GRIN2A: variants seen among roughly 807,000 people sequenced by gnomAD.
GRIN2A encodes the protein glutamate receptor ionotropic, NMDA 2A.
A neutral mutation model predicts 113.4 loss-of-function variants in GRIN2A; 22 were observed. The ratio of observed to expected loss-of-function variants is 0.19; its 90% CI spans 0.14 to 0.28. The LOEUF (loss-of-function observed/expected upper bound fraction) is 0.28, where lower values mean the gene tolerates loss of function less well. Among genes scored for constraint, GRIN2A ranks in the 10% least tolerant of loss-of-function variants. The pLI is 1.00. For missense variants in GRIN2A, 1,502 were observed against 1,887.0 expected, an observed-to-expected ratio of 0.80 and a Z score of 3.78; for synonymous variants, 827 against 738.4, an observed-to-expected ratio of 1.12 and a Z score of -1.94.
Position 9,798,434 on chromosome 16 carries a change from T to C in GRIN2A, c.2199A>G (p.Ala733=), listed in dbSNP as rs367543139. The change falls in exon 11 of 13, where the codon GCA becomes GCG. Residue 733 remains alanine, a synonymous_variant. Coordinates refer to ENST00000330684, the MANE Select transcript of GRIN2A (RefSeq NM_001134407.3). ...CCCTCCCAGCCTTGTAATTCAAGAC[T>C]GCGGCATCGTAGATGAAAGCGTCCA... ...GKLDAFIYDA[A]VLNYKAGRDE... The C allele has an allele frequency of 2.5e-6, 4 of 1,614,062 alleles. No homozygotes were observed. The highest frequency in any genetic ancestry group is 3.4e-6 in the Non-Finnish European group (4 of 1,179,958).
chr16:9,844,543 C>T (rs2042739142), intron 5 of GRIN2A, among the ~76,000 whole-genome samples: 1 of 152,140 alleles, frequency 6.6e-6, no homozygotes, highest in Non-Finnish European at 1.5e-5. Flanking sequence ...TAGTGCTCCA[C>T]CACCACCCAA....
At chr16:9,949,886 G>T (rs2045134851) in intron 2 of GRIN2A, among the ~76,000 whole-genome samples, 3 of 152,166 alleles carry the variant, frequency 2.0e-5, no homozygotes, top group African/African-American at 7.2e-5. Context: ...CACAGTGATG[G>T]GTTAGAGAGG....
Position 9,762,701 on chromosome 16 carries a change from C to G in GRIN2A, c.*448G>C. On this transcript the variant is annotated 3_prime_UTR_variant, in exon 13 of 13. Transcript: ENST00000330684. Reference sequence around the variant, plus strand: ...GCATTCTTAACTGTTTTTATTTTGTCTGTGTCAGGTTTACATGCACACCAT... The same window carrying G: ...GCATTCTTAACTGTTTTTATTTTGTGTGTGTCAGGTTTACATGCACACCAT... 3.5e-6 allele frequency: 1 copy of G among 287,996 alleles called. No homozygotes were observed. Among genetic ancestry groups the G allele is most frequent in the Non-Finnish European group, 6.6e-6 (1 of 151,858 alleles). 17.8% of individuals were successfully genotyped at this position (287,996 alleles called of 1,614,324 possible). A position where few individuals can be genotyped will look rare whatever the true frequency, so the allele number is the denominator to read the frequency against.
chr16:10,136,962 A>C (rs987779166), intron 2 of GRIN2A, among the ~76,000 whole-genome samples: 39 of 152,228 alleles, frequency 2.6e-4, no homozygotes, highest in African/African-American at 8.4e-4. Flanking sequence ...TGACTGCTTA[A>C]GGCAACTGGG....
Position 9,792,105 on chromosome 16 carries a change from G to GTGTGTGTGTGTGTC in GRIN2A, c.2356+6171_2356+6172insGACACACACACACA, listed in dbSNP as rs3831728. On this transcript the variant is annotated intron_variant, in intron 11 of 12. Transcript: ENST00000330684. The stretch of plus-strand genomic sequence containing the variant: ...TGTGTGTGTGTGTGTGTGTGTGTGT[G>GTGTGTGTGTGTGTC]TGTATCTTTCAAATATTTAACATAT... 2.2e-3 allele frequency among the ~76,000 whole-genome samples: 339 copies of GTGTGTGTGTGTGTC among 151,172 alleles called. 4 individuals are homozygous for GTGTGTGTGTGTGTC. The highest frequency in any genetic ancestry group is 7.4e-3 in the African/African-American group (302 of 41,036).
chr16:10,032,382 T>A (rs1479900114), intron 2 of GRIN2A, among the ~76,000 whole-genome samples: 2 of 152,240 alleles, frequency 1.3e-5, no homozygotes, highest in Non-Finnish European at 2.9e-5. Context: ...TCTACCCACC[T>A]CTAAGCCTTT....
intron 2 of GRIN2A, among the ~76,000 whole-genome samples, chr16:10,096,944 G>T (rs1465526914): frequency 6.6e-6 from 1 of 152,178 alleles, no homozygotes; most frequent in Non-Finnish European, 1.5e-5. Flanking sequence ...CCTTTCCCAG[G>T]TGTGAGGCTA....
At position 9,840,777 on chromosome 16, in the gene GRIN2A, C is replaced by A. The variant is rs2141343269; in HGVS notation, c.1521G>T (p.Met507Ile). Residue 507 changes from methionine (M) to isoleucine (I), a missense_variant, in exon 7 of 13, where the codon ATG becomes ATT. This residue lies in a region of GRIN2A where 82 missense variants were observed against 222.7 expected (regional missense o/e 0.37). Transcript: ENST00000330684. ...IGEVVYQRAV[M>I]AVGSLTINEE... ...CATTGATGGTGAGCGAGCCAACTGC[C>A]ATGACTGCCCGTTGATAGACCACCT... is the stretch of plus-strand genomic sequence containing the variant. 1 of 1,590,632 alleles carries A rather than the reference C, an allele frequency of 6.3e-7. No homozygotes were observed. Among genetic ancestry groups the A allele is most frequent in the South Asian group, 1.1e-5 (1 of 90,354 alleles).
rs150358934 is a variant in GRIN2A, at chr16:9,917,665, T to C, written c.1007+20294A>G. ...CAAATAAAATATGTTAACATCTCAC[T>C]CTTATACAGGACCCAAGTTCTTCTA... On this transcript the variant is annotated intron_variant, in intron 3 of 12. Coordinates refer to ENST00000330684, the MANE Select transcript of GRIN2A (RefSeq NM_001134407.3). Among the ~76,000 whole-genome samples the C allele has an allele frequency of 7.9e-5, 12 of 152,344 alleles. No homozygotes were observed. The East Asian group carries it at 2.3e-3, about 29-fold the overall frequency.
intron 2 of GRIN2A, among the ~76,000 whole-genome samples, chr16:10,010,017 C>T (rs1467630219): frequency 1.3e-5 from 2 of 152,222 alleles, no homozygotes; most frequent in Admixed American, 1.3e-4. Context: ...AAAGCACAGT[C>T]CCCTCTACTC....
chr16:10,009,431 G>A (rs575350101), intron 2 of GRIN2A, among the ~76,000 whole-genome samples: 1 of 152,100 alleles, frequency 6.6e-6, no homozygotes, highest in South Asian at 2.1e-4. Flanking sequence ...GCAAAAGTAG[G>A]CAGGTGAGAG....
intron 11 of GRIN2A, among the ~76,000 whole-genome samples, chr16:9,772,922 C>CAAAAAAAA (rs71400490): frequency 2.9e-5 from 3 of 105,014 alleles, no homozygotes; most frequent in Non-Finnish European, 5.6e-5. Context: ...ACTTCAATTT[C>CAAAAAAAA]AAAAAAAAAA....
intron 2 of GRIN2A, among the ~76,000 whole-genome samples, chr16:10,069,875 G>A (rs2047717357): frequency 6.6e-6 from 1 of 152,224 alleles, no homozygotes. Flanking sequence ...AGGCAGTTAG[G>A]TGGATGGTGA....
In GRIN2A at chr16:9,864,565, A is replaced by T. The variant is rs1043352227; in HGVS notation, c.1123-14604T>A. ...ACGAGACTTCAATGCATCAAACCTGACTTGAAGGATCTAACAAGTCAAAAG... is the reference window on the plus strand; with the variant it reads ...ACGAGACTTCAATGCATCAAACCTGTCTTGAAGGATCTAACAAGTCAAAAG... On this transcript the variant is annotated intron_variant, in intron 4 of 12. Transcript: ENST00000330684. Among the ~76,000 whole-genome samples, 3 of 152,186 alleles carry T rather than the reference A, an allele frequency of 2.0e-5. 1 individual carries two copies. The East Asian group carries it at 5.8e-4, about 29-fold the overall frequency.
intron 2 of GRIN2A, among the ~76,000 whole-genome samples, chr16:9,948,730 C>G (rs375478858): frequency 6.6e-6 from 1 of 152,168 alleles, no homozygotes. Context: ...TGGGGTGAAC[C>G]GCCTCACTCC....
rs886039239 is a variant in GRIN2A, at chr16:9,764,617, T to C, written c.2927A>G (p.Asn976Ser). 5.0e-6 allele frequency: 8 copies of C among 1,614,124 alleles called. No homozygotes were observed. The highest frequency in any genetic ancestry group is 1.7e-5 in the Admixed American group (1 of 60,028). Residue 976 changes from asparagine to serine, a missense_variant, in exon 13 of 13, where the codon AAT (asparagine) becomes AGT (serine). Asn to Ser is a conservative substitution (Grantham distance 46). Transcript: ENST00000330684. Reference sequence around the variant, plus strand: ...ATGTTGTCCCTGGAATACATAGTTATTGAGGTTATCCTTCTGCCGGTTGGC... The same window carrying C: ...ATGTTGTCCCTGGAATACATAGTTACTGAGGTTATCCTTCTGCCGGTTGGC... ...FVANRQKDNL[N>S]NYVFQGQHPL...
intron 2 of GRIN2A, among the ~76,000 whole-genome samples, chr16:9,950,332 C>T (rs1233573739): frequency 1.3e-5 from 2 of 152,080 alleles, no homozygotes; most frequent in Non-Finnish European, 1.5e-5. Flanking sequence ...TATCTTTAGT[C>T]TTGCAGGTGG....
chr16:9,759,055 T>C lies in GRIN2A; in HGVS notation c.*4094A>G. The C allele has an allele frequency of 4.5e-6, 1 of 219,996 alleles. No homozygotes were observed. Among genetic ancestry groups the C allele is most frequent in the East Asian group, 6.7e-5 (1 of 14,952 alleles). 13.6% of individuals were successfully genotyped at this position (219,996 alleles called of 1,614,324 possible). Reference sequence around the variant, plus strand: ...ATTTCAGAAACAACGCATGTCCCCTTTTCAAGGATTCATGCACAACAGCTA... The same window carrying C: ...ATTTCAGAAACAACGCATGTCCCCTCTTCAAGGATTCATGCACAACAGCTA... On this transcript the variant is annotated 3_prime_UTR_variant, in exon 13 of 13. Transcript: ENST00000330684.
chr16:9,821,008 C>G (rs759382427), intron 10 of GRIN2A, among the ~76,000 whole-genome samples: 7 of 152,180 alleles, frequency 4.6e-5, no homozygotes, highest in Non-Finnish European at 8.8e-5. Context: ...AGAATGCTCA[C>G]AGCCAAAACT....
Sources: allele counts gnomAD v4.1 joint callset (sites outside exome capture counted in the v4.1 genomes callset), GRCh38; gene constraint gnomAD v4.1.1; regional missense constraint gnomAD v4.1.1; transcripts MANE v1.5; gene names NCBI Gene and HGNC (gene_info 2026-07-23, HGNC 2026-07-21).